The following FBN1 variants were observed in gnomAD, a reference collection of about 807,000 sequenced individuals.
FBN1 encodes fibrillin-1.
A neutral mutation model predicts 365.1 loss-of-function variants in FBN1; 29 were observed. That is an observed-to-expected ratio of 0.08 (90% CI 0.06 to 0.11). FBN1 has a LOEUF of 0.11. Among genes scored for constraint, FBN1 ranks in the 10% least tolerant of loss-of-function variants. The pLI, the probability that FBN1 is intolerant of heterozygous loss-of-function variation, is 1.00. For missense variants in FBN1, 2,476 were observed against 3,703.2 expected, an observed-to-expected ratio of 0.67 and a Z score of 8.60; for synonymous variants, 1,210 against 1,270.5, an observed-to-expected ratio of 0.95 and a Z score of 1.01.
chr15:48,509,323 T>C (rs2043739368), intron 14 of FBN1, among the ~76,000 whole-genome samples: 1 of 151,568 alleles, frequency 6.6e-6, no homozygotes, highest in Non-Finnish European at 1.5e-5. Flanking sequence ...TGTTATTTTA[T>C]TTGATATTAA....
chr15:48,432,741 C>A, intron 55 of FBN1, 125 bp downstream of exon 55: 1 of 1,274,526 alleles, frequency 7.8e-7, no homozygotes, highest in Non-Finnish European at 1.1e-6. Flanking sequence ...TGACAACCCC[C>A]GTATTGTCCA....
chr15:48,542,219 C>T (rs184396593), intron 6 of FBN1, among the ~76,000 whole-genome samples: 1 of 152,298 alleles, frequency 6.6e-6, no homozygotes, highest in Admixed American at 6.5e-5. Flanking sequence ...GCAAATGCAT[C>T]GTTTACAGGG....
At chr15:48,578,054 T>C (rs1359948810) in intron 6 of FBN1, among the ~76,000 whole-genome samples, 1 of 152,076 alleles carries the variant, frequency 6.6e-6, no homozygotes, top group African/African-American at 2.4e-5. Flanking sequence ...AAAAAAAAAA[T>C]TGAAGATTGG....
At position 48,467,927 on chromosome 15, in the gene FBN1, T is replaced by C. The variant is rs1024396497; in HGVS notation, c.4747+11A>G. 4 of 1,610,208 alleles carry C rather than the reference T, an allele frequency of 2.5e-6. No individual in the cohort carries two copies. The highest frequency in any genetic ancestry group is 3.3e-5 in the Admixed American group (2 of 60,014). On this transcript the variant is annotated intron_variant, in intron 38 of 65. Coordinates refer to ENST00000316623, the MANE Select transcript of FBN1 (RefSeq NM_000138.5). Reference sequence around the variant, plus strand: ...GTTGAAATAATAATAAATAGGAGGATGTCCACTTACATGTGTTCACAGCAG... The same window carrying C: ...GTTGAAATAATAATAAATAGGAGGACGTCCACTTACATGTGTTCACAGCAG...
intron 55 of FBN1, among the ~76,000 whole-genome samples, chr15:48,431,027 C>G (rs1363304478): frequency 2.0e-5 from 3 of 152,070 alleles, no homozygotes; most frequent in Non-Finnish European, 4.4e-5. Context: ...AACTGATGAC[C>G]TCTTCAAGAA....
At chr15:48,498,299 C>T (rs55667060) in intron 18 of FBN1, among the ~76,000 whole-genome samples, 12,601 of 152,120 alleles carry the variant, frequency 0.083, 1,816 homozygotes, top group African/African-American at 0.29. Flanking sequence ...TTTTCATTCA[C>T]GCACAATGAT....
intron 64 of FBN1, among the ~76,000 whole-genome samples, chr15:48,413,806 T>C (rs2042881896): frequency 6.6e-6 from 1 of 152,234 alleles, no homozygotes; most frequent in African/African-American, 2.4e-5. Flanking sequence ...CTATATACCC[T>C]TAGGATTCAA....
chr15:48,461,712 G>A (rs191621503), intron 42 of FBN1, among the ~76,000 whole-genome samples: 1 of 152,150 alleles, frequency 6.6e-6, no homozygotes, highest in African/African-American at 2.4e-5. Flanking sequence ...AAGGGACAGA[G>A]AGTAAATATC....
intron 6 of FBN1, among the ~76,000 whole-genome samples, chr15:48,589,028 T>C (rs1011433098): frequency 2.8e-4 from 43 of 152,234 alleles, no homozygotes; most frequent in East Asian, 5.8e-4. Flanking sequence ...GCAGAAAAAA[T>C]GCATGAATGT....
At chr15:48,613,123 T>C (rs1193880282) in intron 2 of FBN1, 31 bp from the exon 3 acceptor site, 5 of 1,521,130 alleles carry the variant, frequency 3.3e-6, no homozygotes, top group Admixed American at 1.7e-5. Context: ...TTCCATACTT[T>C]AAAAAAAAGA....
chr15:48,557,586 C>T (rs148975468), intron 6 of FBN1, among the ~76,000 whole-genome samples: 4 of 152,238 alleles, frequency 2.6e-5, no homozygotes, highest in South Asian at 2.1e-4. Flanking sequence ...GTCAGTACAA[C>T]GGGCGTGTCA....
intron 14 of FBN1, among the ~76,000 whole-genome samples, chr15:48,509,088 C>T (rs1229263994): frequency 2.6e-5 from 4 of 152,084 alleles, no homozygotes; most frequent in Non-Finnish European, 5.9e-5. Flanking sequence ...TGAATATGAA[C>T]ATAAGTCAAA....
intron 44 of FBN1, among the ~76,000 whole-genome samples, chr15:48,455,299 G>T (rs2043230546): frequency 6.6e-6 from 1 of 152,194 alleles, no homozygotes; most frequent in Admixed American, 6.5e-5. Context: ...TAATCTCATG[G>T]ATCTAGCAAG....
intron 6 of FBN1, among the ~76,000 whole-genome samples, chr15:48,581,535 C>T (rs2044392102): frequency 6.6e-6 from 1 of 152,158 alleles, no homozygotes; most frequent in Non-Finnish European, 1.5e-5. Context: ...TTCAGCTAAG[C>T]CAAGTGTTTT....
intron 62 of FBN1, 94 bp from the exon 63 acceptor site, chr15:48,420,900 A>G: frequency 3.5e-6 from 5 of 1,416,158 alleles, no homozygotes; most frequent in Non-Finnish European, 4.9e-6. Context: ...TACACATCCT[A>G]CACATTATTC....
intron 43 of FBN1, among the ~76,000 whole-genome samples, chr15:48,459,461 G>T (rs140923695): frequency 6.6e-6 from 1 of 152,232 alleles, no homozygotes; most frequent in Non-Finnish European, 1.5e-5. Flanking sequence ...CACTGGAAAG[G>T]CTGATGTGGA....
At chr15:48,564,888 C>T (rs1230059453) in intron 6 of FBN1, among the ~76,000 whole-genome samples, 1 of 152,138 alleles carries the variant, frequency 6.6e-6, no homozygotes, top group Non-Finnish European at 1.5e-5. Flanking sequence ...CTAAACAGAC[C>T]GGCCTAACTC....
intron 6 of FBN1, among the ~76,000 whole-genome samples, chr15:48,561,437 T>G (rs547419457): frequency 6.6e-6 from 1 of 152,172 alleles, no homozygotes; most frequent in Non-Finnish European, 1.5e-5. Context: ...ATAGAAAATA[T>G]TCACTGAAAA....
At chr15:48,530,285 G>C (rs1182649042) in intron 8 of FBN1, among the ~76,000 whole-genome samples, 1 of 144,714 alleles carries the variant, frequency 6.9e-6, no homozygotes, top group Non-Finnish European at 1.5e-5. Flanking sequence ...TGCTGCATCC[G>C]CCGCCTGATC....
Sources: gnomAD v4.1 joint callset for allele counts (sites outside exome capture counted in the v4.1 genomes callset) on GRCh38, gnomAD v4.1.1 for gene constraint, MANE v1.5 for transcripts, NCBI Gene and HGNC (gene_info 2026-07-23, HGNC 2026-07-21) for gene names.